The following CACNA1E variants were observed in gnomAD, a reference collection of about 807,000 sequenced individuals.
CACNA1E encodes the protein voltage-dependent R-type calcium channel subunit alpha-1E.
In CACNA1E, 40 loss-of-function variants were observed where a neutral mutation model predicts 259.2. The observed-to-expected ratio is 0.15, with a 90% CI of 0.12 to 0.20. The LOEUF is 0.20. CACNA1E is among the 10% of genes least tolerant of loss of function. The pLI is 1.00. For synonymous variants in CACNA1E, 1,104 were observed against 1,138.5 expected (o/e 0.97, Z 0.61); for missense variants, 1,874 against 3,040.1 (o/e 0.62, Z 9.02).
chr1:181,695,993 C>G (rs1219985580), intron 7 of CACNA1E, among the ~76,000 whole-genome samples: 1 of 152,110 alleles, frequency 6.6e-6, no homozygotes, highest in African/African-American at 2.4e-5. Context: ...AGACCTTCCT[C>G]TCTCTGTGTA....
chr1:181,371,214 G>T (rs1253773078), intron 1 of CACNA1E, among the ~76,000 whole-genome samples: 1 of 152,040 alleles, frequency 6.6e-6, no homozygotes, highest in East Asian at 1.9e-4. Context: ...TCATTTTGTA[G>T]GTTGTCTGTT....
chr1:181,681,521 C>T (rs1227229786), intron 7 of CACNA1E, among the ~76,000 whole-genome samples: 4 of 152,180 alleles, frequency 2.6e-5, no homozygotes, highest in African/African-American at 7.2e-5. Flanking sequence ...CCATAGCCTA[C>T]CAAATGGTGT....
chr1:181,324,281 G>A, intron 1 of CACNA1E, among the ~76,000 whole-genome samples: 1 of 152,174 alleles, frequency 6.6e-6, no homozygotes, highest in East Asian at 1.9e-4. Context: ...GTAATGAATG[G>A]CATTTGGAGA....
intron 3 of CACNA1E, among the ~76,000 whole-genome samples, chr1:181,573,584 T>C (rs1650638465): frequency 6.6e-6 from 1 of 152,196 alleles, no homozygotes; most frequent in African/African-American, 2.4e-5. Context: ...CTTTCAAGAA[T>C]ATTACCATCT....
At chr1:181,320,297 G>A (rs1650238407) in intron 1 of CACNA1E, among the ~76,000 whole-genome samples, 1 of 152,190 alleles carries the variant, frequency 6.6e-6, no homozygotes, top group African/African-American at 2.4e-5. Context: ...TCCTATTGTG[G>A]AGAAATGTCT....
intron 2 of CACNA1E, among the ~76,000 whole-genome samples, chr1:181,453,276 G>A (rs1267114547): frequency 6.6e-6 from 1 of 152,220 alleles, no homozygotes; most frequent in Non-Finnish European, 1.5e-5. Flanking sequence ...GACATTACAA[G>A]TTAGCATTTC....
At chr1:181,781,544 C>T (rs377518182) in intron 39 of CACNA1E, 21 bp downstream of exon 39, 20 of 1,229,868 alleles carry the variant, frequency 1.6e-5, no homozygotes, top group East Asian at 1.2e-4. Context: ...CCTTCCTTTG[C>T]TCTGGGCTAC....
chr1:181,340,305 G>A (rs1346440830), intron 1 of CACNA1E, among the ~76,000 whole-genome samples: 1 of 151,804 alleles, frequency 6.6e-6, no homozygotes, highest in East Asian at 1.9e-4. Context: ...TGATTAATTT[G>A]TTTATTCATA....
intron 6 of CACNA1E, among the ~76,000 whole-genome samples, chr1:181,648,907 C>A (rs1324456625): frequency 2.0e-5 from 3 of 152,158 alleles, no homozygotes; most frequent in Non-Finnish European, 4.4e-5. Context: ...GGGGGTTTGG[C>A]CACTGGCTAA....
intron 6 of CACNA1E, among the ~76,000 whole-genome samples, chr1:181,627,290 A>G (rs554133559): frequency 3.2e-4 from 49 of 152,344 alleles, no homozygotes; most frequent in Non-Finnish European, 4.9e-4. Flanking sequence ...ACAGAGCAAG[A>G]TGTTTCACAG....
chr1:181,579,166 C>T lies in CACNA1E; in HGVS notation c.711C>T (p.Ile237=), dbSNP rs1466924776. 2 of 1,613,558 alleles carry T rather than the reference C, an allele frequency of 1.2e-6. No homozygotes were observed. Among genetic ancestry groups the T allele is most frequent in the African/African-American group, 2.7e-5 (2 of 74,918 alleles). The change falls in exon 5 of 48, where the codon ATC becomes ATT. Residue 237 remains isoleucine (I), a synonymous_variant. Transcript: ENST00000367573. The stretch of plus-strand genomic sequence containing the variant: ...TCTTTGCCATCCTGATGTTTGCTAT[C>T]ATTGGTTTGGAGTTCTACAGTGGCA... ...LLFFAILMFA[I]IGLEFYSGKL...
chr1:181,542,977 A>C (rs1261808440), intron 3 of CACNA1E, among the ~76,000 whole-genome samples: 1 of 146,612 alleles, frequency 6.8e-6, no homozygotes, highest in Non-Finnish European at 1.5e-5. Context: ...AACAAGTCTT[A>C]AGGATTTTTT....
chr1:181,558,824 G>A (rs1304653249), intron 3 of CACNA1E, among the ~76,000 whole-genome samples: 1 of 152,192 alleles, frequency 6.6e-6, no homozygotes, highest in Non-Finnish European at 1.5e-5. Flanking sequence ...GGGAGGCAGA[G>A]AGAAACCAGT....
At chr1:181,593,888 G>A (rs139338627) in intron 6 of CACNA1E, among the ~76,000 whole-genome samples, 21 of 152,300 alleles carry the variant, frequency 1.4e-4, no homozygotes, top group African/African-American at 4.8e-4. Flanking sequence ...ATTCATCTGT[G>A]GCAGTGTTCC....
rs538308903 is a variant in CACNA1E at position 181,405,572 on chromosome 1, A to G, written c.-14-7561A>G. The stretch of plus-strand genomic sequence containing the variant: ...AGTAGTTTTCTGTCCTTAGTTTTCT[A>G]CCTCCCTTAAGTTCCTTAGAAAAGT... On this transcript the variant is annotated intron_variant, in intron 1 of 11. Coordinates refer to the CACNA1E transcript ENST00000524607. 7.9e-5 allele frequency among the ~76,000 whole-genome samples: 12 copies of G among 152,080 alleles called. No homozygotes were observed. In the East Asian group the frequency reaches 1.9e-3, roughly 24 times the overall value.
exon 1 of CACNA1E, chr1:181,318,007 C>G (rs1220401785): frequency 6.6e-6 from 1 of 152,120 alleles, no homozygotes; most frequent in South Asian, 2.1e-4. Flanking sequence ...TTCTCCTCCC[C>G]CGTCTTCGCC....
chr1:181,543,354 G>A (rs1303122297), intron 3 of CACNA1E, among the ~76,000 whole-genome samples: 2 of 152,146 alleles, frequency 1.3e-5, no homozygotes, highest in Non-Finnish European at 2.9e-5. Flanking sequence ...ACATGCAAAT[G>A]GCCAATAAGC....
chr1:181,561,187 T>C (rs1649289332), intron 3 of CACNA1E, among the ~76,000 whole-genome samples: 2 of 152,176 alleles, frequency 1.3e-5, no homozygotes, highest in Non-Finnish European at 2.9e-5. Flanking sequence ...AGGAATGTAC[T>C]TAATGCCGCA....
chr1:181,540,965 C>T (rs1021333636), intron 3 of CACNA1E, among the ~76,000 whole-genome samples: 6 of 152,170 alleles, frequency 3.9e-5, no homozygotes, highest in Non-Finnish European at 1.5e-5. Flanking sequence ...CTCATTGGAG[C>T]ATTTCAGATT....
Sources: gnomAD v4.1 joint callset for allele counts (sites outside exome capture counted in the v4.1 genomes callset) on GRCh38, gnomAD v4.1.1 for gene constraint, MANE v1.5 for transcripts, NCBI Gene and HGNC (gene_info 2026-07-23, HGNC 2026-07-21) for gene names.